The following CORIN variants were observed in gnomAD, a reference collection of about 807,000 sequenced individuals.
CORIN encodes atrial natriuretic peptide-converting enzyme.
In CORIN, 117 loss-of-function variants were observed where a neutral mutation model predicts 125.3. The observed-to-expected ratio is 0.93, with a 90% CI of 0.80 to 1.09. The LOEUF (loss-of-function observed/expected upper bound fraction) is 1.09. Among genes scored for constraint, CORIN ranks in the 50% least tolerant of loss-of-function variants. The pLI, the probability that CORIN is intolerant of heterozygous loss-of-function variation, is 0.00. For synonymous variants in CORIN, 450 were observed against 466.4 expected, an observed-to-expected ratio of 0.96 and a Z score of 0.45; for missense variants, 1,253 against 1,306.7, an observed-to-expected ratio of 0.96 and a Z score of 0.63.
intron 17 of CORIN, among the ~76,000 whole-genome samples, chr4:47,625,591 C>T (rs887445049): frequency 2.6e-5 from 4 of 152,108 alleles, no homozygotes; most frequent in Non-Finnish European, 4.4e-5. Flanking sequence ...AGGAAAATGT[C>T]AAGAACTTTT....
At chr4:47,834,548 A>G (rs1455593462) in intron 1 of CORIN, among the ~76,000 whole-genome samples, 1 of 152,250 alleles carries the variant, frequency 6.6e-6, no homozygotes, top group African/African-American at 2.4e-5. Flanking sequence ...TCTGTAGTTA[A>G]GAATACTATA....
chr4:47,802,657 T>C (rs1731596738), intron 2 of CORIN, among the ~76,000 whole-genome samples: 2 of 152,192 alleles, frequency 1.3e-5, no homozygotes, highest in African/African-American at 4.8e-5. Context: ...CAAGACAGCA[T>C]CTCTGGACCC....
chr4:47,618,295 C>G (rs1372274746), intron 19 of CORIN, among the ~76,000 whole-genome samples: 1 of 141,448 alleles, frequency 7.1e-6, no homozygotes, highest in Non-Finnish European at 1.5e-5. Context: ...GATCATGCCA[C>G]TTCACTCCAG....
intron 3 of CORIN, among the ~76,000 whole-genome samples, chr4:47,773,954 AGATT>A (rs1179445384): frequency 6.6e-6 from 1 of 151,934 alleles, no homozygotes; most frequent in Non-Finnish European, 1.5e-5. Flanking sequence ...TCTGTCCATA[AGATT>A]GATCTATAAT....
At chr4:47,805,135 C>CAAAAAAAA (rs755747242) in intron 2 of CORIN, among the ~76,000 whole-genome samples, 3 of 129,406 alleles carry the variant, frequency 2.3e-5, no homozygotes, top group African/African-American at 8.8e-5. Flanking sequence ...GACTCCATCT[C>CAAAAAAAA]AAAAAAAAAA....
chr4:47,618,332 C>CAAAA (rs57190153), intron 19 of CORIN, among the ~76,000 whole-genome samples: 17 of 108,140 alleles, frequency 1.6e-4, no homozygotes, highest in East Asian at 2.4e-4. Flanking sequence ...GAAACTCCAT[C>CAAAA]AAAAAAAAAA....
chr4:47,656,141 G>A, intron 12 of CORIN, among the ~76,000 whole-genome samples: 1 of 149,986 alleles, frequency 6.7e-6, no homozygotes, highest in East Asian at 2.0e-4. Context: ...CATTCATCAT[G>A]ACCATTTAGG....
At chr4:47,705,550 G>A (rs999364166) in intron 5 of CORIN, among the ~76,000 whole-genome samples, 2 of 152,164 alleles carry the variant, frequency 1.3e-5, no homozygotes, top group Non-Finnish European at 2.9e-5. Flanking sequence ...ACAAGATAGA[G>A]AAACTAGGTC....
At chr4:47,724,977 C>G (rs1727521835) in intron 5 of CORIN, among the ~76,000 whole-genome samples, 1 of 152,138 alleles carries the variant, frequency 6.6e-6, no homozygotes, top group African/African-American at 2.4e-5. Context: ...TAGGAACCAT[C>G]TTAGAACAAT....
chr4:47,628,822 G>A lies in CORIN; in HGVS notation c.2199-2301C>T, dbSNP rs375971208. On this transcript the variant is annotated intron_variant, in intron 16 of 21. Coordinates refer to ENST00000273857, the MANE Select transcript of CORIN (RefSeq NM_006587.4). The stretch of plus-strand genomic sequence containing the variant: ...TAAGAATACTGAGTAGTGTTCTATT[G>A]TGTAAAGAAAATGTAGTGTGTGTAT... Among the ~76,000 whole-genome samples the A allele has an allele frequency of 9.9e-5, 15 of 152,116 alleles. No individual in the cohort carries two copies. The East Asian group carries it at 2.5e-3, about 26-fold the overall frequency.
intron 16 of CORIN, among the ~76,000 whole-genome samples, chr4:47,639,185 T>C (rs746170137): frequency 6.6e-6 from 1 of 152,144 alleles, no homozygotes; most frequent in Non-Finnish European, 1.5e-5. Context: ...CTATAAATGT[T>C]TACTGAATGA....
intron 16 of CORIN, among the ~76,000 whole-genome samples, chr4:47,632,725 T>TAGATAGACA (rs5858081): frequency 2.4e-5 from 3 of 126,650 alleles, no homozygotes; most frequent in African/African-American, 3.2e-5. Context: ...TGACAATAGA[T>TAGATAGACA]GATAGATAGA....
At chr4:47,676,230 C>A (rs1353971174) in intron 9 of CORIN, among the ~76,000 whole-genome samples, 1 of 152,184 alleles carries the variant, frequency 6.6e-6, no homozygotes, top group Non-Finnish European at 1.5e-5. Flanking sequence ...TAGTACCAGG[C>A]CCCCTTTCGT....
At chr4:47,758,597 G>T (rs1729302526) in intron 4 of CORIN, among the ~76,000 whole-genome samples, 1 of 152,122 alleles carries the variant, frequency 6.6e-6, no homozygotes, top group African/African-American at 2.4e-5. Context: ...TAATGATATG[G>T]TTTAGCTGTG....
rs918270854 is a variant in CORIN at position 47,614,179 on chromosome 4, C to T, written c.2540+9392G>A. Reference sequence around the variant, plus strand: ...CAGAATGATTTGAAGCTTACTTTACCCCCAATTTCTTTTTTTGTTGTTGTT... The same window carrying T: ...CAGAATGATTTGAAGCTTACTTTACTCCCAATTTCTTTTTTTGTTGTTGTT... On this transcript the variant is annotated intron_variant, in intron 19 of 21. Coordinates refer to ENST00000273857, the MANE Select transcript of CORIN (RefSeq NM_006587.4). 2.6e-5 allele frequency among the ~76,000 whole-genome samples: 4 copies of T among 151,894 alleles called. No individual in the cohort carries two copies. The East Asian group carries it at 7.7e-4, about 29-fold the overall frequency.
chr4:47,633,751 A>G (rs751898596), intron 16 of CORIN, among the ~76,000 whole-genome samples: 1 of 152,198 alleles, frequency 6.6e-6, no homozygotes, highest in Non-Finnish European at 1.5e-5. Flanking sequence ...ATGTAAAGCT[A>G]GAGATTATCA....
intron 12 of CORIN, among the ~76,000 whole-genome samples, chr4:47,655,488 A>G (rs1478019846): frequency 1.3e-5 from 2 of 151,678 alleles, no homozygotes; most frequent in African/African-American, 4.8e-5. Context: ...TTCACCACAG[A>G]CTGACTGAAG....
chr4:47,753,831 G>T (rs1173392499), intron 4 of CORIN, among the ~76,000 whole-genome samples: 1 of 152,056 alleles, frequency 6.6e-6, no homozygotes, highest in African/African-American at 2.4e-5. Flanking sequence ...CTGAGGTGAT[G>T]TACATTCTCA....
intron 17 of CORIN, among the ~76,000 whole-genome samples, chr4:47,625,674 A>C (rs1722526030): frequency 6.6e-6 from 1 of 152,176 alleles, no homozygotes; most frequent in Non-Finnish European, 1.5e-5. Flanking sequence ...TGAGCTTCAG[A>C]GTCAGATATA....
Sources: allele counts gnomAD v4.1 joint callset (sites outside exome capture counted in the v4.1 genomes callset), GRCh38; gene constraint gnomAD v4.1.1; transcripts MANE v1.5; gene names NCBI Gene and HGNC (gene_info 2026-07-23, HGNC 2026-07-21).